Variants in NKAIN3 observed in about 807,000 individuals in gnomAD.
NKAIN3 encodes the protein sodium/potassium transporting ATPase interacting 3.
In NKAIN3, 25 loss-of-function variants were observed where a neutral mutation model predicts 30.2. The ratio of observed to expected loss-of-function variants is 0.83; its 90% CI spans 0.60 to 1.16. The LOEUF (loss-of-function observed/expected upper bound fraction) is 1.16. Among genes scored for constraint, NKAIN3 ranks in the 50% most tolerant of loss-of-function variants. The probability of loss-of-function intolerance (pLI) is 0.00; values close to 1 mark genes in which losing one functional copy is unlikely to be tolerated. For missense variants in NKAIN3, 225 were observed against 254.1 expected, an observed-to-expected ratio of 0.89 and a Z score of 0.78; for synonymous variants, 91 against 89.6, an observed-to-expected ratio of 1.02 and a Z score of -0.09.
chr8:62,629,114 A>G (rs572799739), intron 3 of NKAIN3, among the ~76,000 whole-genome samples: 33 of 152,298 alleles, frequency 2.2e-4, no homozygotes, highest in African/African-American at 7.7e-4. Context: ...CAGTAGAGAA[A>G]TGAATCAGGT....
chr8:62,788,548 GT>G (rs1563561905), intron 4 of NKAIN3, among the ~76,000 whole-genome samples: 1 of 151,982 alleles, frequency 6.6e-6, no homozygotes, highest in Non-Finnish European at 1.5e-5. Flanking sequence ...ATTAGATTCC[GT>G]TTGTCAATTT....
intron 1 of NKAIN3, among the ~76,000 whole-genome samples, chr8:62,381,353 T>C (rs985491112): frequency 6.6e-6 from 1 of 152,308 alleles, no homozygotes; most frequent in East Asian, 1.9e-4. Flanking sequence ...AAAATTTTAC[T>C]CTTAGCCTAA....
chr8:62,509,198 G>A (rs1332822830), intron 1 of NKAIN3, among the ~76,000 whole-genome samples: 1 of 152,102 alleles, frequency 6.6e-6, no homozygotes, highest in South Asian at 2.1e-4. Flanking sequence ...GTGGGGTGGG[G>A]AGGGGGTCCC....
chr8:62,915,335 AG>A (rs1438741717), intron 4 of NKAIN3, among the ~76,000 whole-genome samples: 2 of 152,202 alleles, frequency 1.3e-5, no homozygotes. Context: ...AGGTGTGTCC[AG>A]CATCCTTAAC....
intron 1 of NKAIN3, among the ~76,000 whole-genome samples, chr8:62,287,543 A>G (rs1190673641): frequency 6.6e-6 from 1 of 152,076 alleles, no homozygotes; most frequent in East Asian, 1.9e-4. Context: ...TTTGGGGGGA[A>G]TTCTTGAATT....
chr8:62,404,293 G>A (rs772496955), intron 1 of NKAIN3, among the ~76,000 whole-genome samples: 2 of 152,166 alleles, frequency 1.3e-5, no homozygotes, highest in East Asian at 1.9e-4. Flanking sequence ...AGAACTTTTG[G>A]AAGGGCATGA....
At chr8:62,568,819 A>G (rs1012716500) in intron 1 of NKAIN3, among the ~76,000 whole-genome samples, 5 of 152,178 alleles carry the variant, frequency 3.3e-5, no homozygotes, top group Non-Finnish European at 4.4e-5. Flanking sequence ...GGACTAAAAC[A>G]CATATAAACA....
chr8:62,551,678 A>G (rs1015983793), intron 1 of NKAIN3, among the ~76,000 whole-genome samples: 2 of 152,230 alleles, frequency 1.3e-5, no homozygotes, highest in Admixed American at 6.5e-5. Context: ...ATGCACAGAA[A>G]GCAGAGGTAT....
At chr8:62,706,755 T>C (rs1814533469) in intron 3 of NKAIN3, among the ~76,000 whole-genome samples, 1 of 152,014 alleles carries the variant, frequency 6.6e-6, no homozygotes, top group African/African-American at 2.4e-5. Flanking sequence ...TCTTTAGTGG[T>C]GATTTGTGAG....
intron 1 of NKAIN3, among the ~76,000 whole-genome samples, chr8:62,512,434 G>C (rs185539767): frequency 6.6e-6 from 1 of 152,128 alleles, no homozygotes; most frequent in East Asian, 1.9e-4. Context: ...CAAGGAAGCA[G>C]AACTTCTCTA....
chr8:62,855,063 T>TTTTG (rs147130824), intron 4 of NKAIN3: 12,753 of 152,884 alleles, frequency 0.083, 799 homozygotes, highest in East Asian at 0.29. Context: ...TTTTTTGTTT[T>TTTTG]TTTGTTTGTT....
intron 1 of NKAIN3, among the ~76,000 whole-genome samples, chr8:62,376,374 G>A (rs1400029212): frequency 6.6e-6 from 1 of 152,186 alleles, no homozygotes; most frequent in African/African-American, 2.4e-5. Flanking sequence ...TTCTTTTCAT[G>A]AAATGGGCCC....
intron 1 of NKAIN3, among the ~76,000 whole-genome samples, chr8:62,494,903 C>A (rs1298764802): frequency 6.6e-6 from 1 of 151,968 alleles, no homozygotes; most frequent in African/African-American, 2.4e-5. Flanking sequence ...TCTCTCTTTT[C>A]TTTTTATTAG....
intron 1 of NKAIN3, among the ~76,000 whole-genome samples, chr8:62,550,122 A>C (rs374050522): frequency 3.3e-5 from 5 of 152,088 alleles, no homozygotes; most frequent in African/African-American, 1.2e-4. Context: ...ACTGTCAATC[A>C]TGTAGCTATG....
chr8:62,785,450 G>T (rs1442005164), intron 4 of NKAIN3, among the ~76,000 whole-genome samples: 1 of 152,092 alleles, frequency 6.6e-6, no homozygotes, highest in Non-Finnish European at 1.5e-5. Flanking sequence ...GATGGAGAGT[G>T]ACTGTTAATG....
At chr8:62,474,455 C>A (rs1413778967) in intron 1 of NKAIN3, among the ~76,000 whole-genome samples, 1 of 152,112 alleles carries the variant, frequency 6.6e-6, no homozygotes, top group African/African-American at 2.4e-5. Flanking sequence ...AATTCCCTCT[C>A]ATAGAATTTT....
At chr8:62,387,351 A>C (rs1278347771) in intron 1 of NKAIN3, among the ~76,000 whole-genome samples, 4 of 62,288 alleles carry the variant, frequency 6.4e-5, no homozygotes, top group Middle Eastern at 0.014. Flanking sequence ...AAATGTAGCA[A>C]AAAAAAAAAA....
chr8:62,396,995 G>A (rs184285719), intron 1 of NKAIN3, among the ~76,000 whole-genome samples: 1 of 152,322 alleles, frequency 6.6e-6, no homozygotes, highest in East Asian at 1.9e-4. Flanking sequence ...CACGACAGAT[G>A]TAAACTAAAT....
At chr8:62,919,226 AATTTTTTTTTT>A (rs1822200108) in intron 5 of NKAIN3, among the ~76,000 whole-genome samples, 3 of 88,452 alleles carry the variant, frequency 3.4e-5, no homozygotes, top group South Asian at 8.0e-4. Context: ...TTACTTTCAA[AATTTTTTTTTT>A]TTTTTTTTTT....
Sources: allele counts gnomAD v4.1 joint callset (sites outside exome capture counted in the v4.1 genomes callset), GRCh38; gene constraint gnomAD v4.1.1; transcripts MANE v1.5; gene names NCBI Gene and HGNC (gene_info 2026-07-23, HGNC 2026-07-21).